The following NRG1 variants were observed in gnomAD, a reference collection of about 807,000 sequenced individuals.
NRG1 encodes pro-neuregulin-1, membrane-bound isoform.
In NRG1, 18 loss-of-function variants were observed where a neutral mutation model predicts 63.8. The ratio of observed to expected loss-of-function variants is 0.28; its 90% confidence interval spans 0.19 to 0.42. The LOEUF (loss-of-function observed/expected upper bound fraction) is 0.42. NRG1 is among the 10% of genes least tolerant of loss of function. The pLI is 1.00. For missense variants in NRG1, 762 were observed against 814.7 expected (o/e 0.94, Z 0.79); for synonymous variants, 302 against 301.3 (o/e 1.00, Z -0.02).
chr8:31,750,068 T>A (rs955934621), intron 1 of NRG1, among the ~76,000 whole-genome samples: 2 of 151,832 alleles, frequency 1.3e-5, no homozygotes, highest in Non-Finnish European at 2.9e-5. Context: ...TTCCTGAAGG[T>A]CAACCTACAG....
intron 1 of NRG1, chr8:32,139,254 C>T (rs925621502): frequency 2.0e-5 from 3 of 152,158 alleles, no homozygotes; most frequent in African/African-American, 7.2e-5. Flanking sequence ...GTGCAACTGT[C>T]TCTTTGAGGA....
chr8:32,705,228 T>A, intron 5 of NRG1, among the ~76,000 whole-genome samples: 1 of 148,858 alleles, frequency 6.7e-6, no homozygotes, highest in Non-Finnish European at 1.5e-5. Context: ...ACCTCCCGGG[T>A]TCACACCTTT....
chr8:32,328,403 T>G (rs757674509), intron 1 of NRG1, among the ~76,000 whole-genome samples: 14 of 152,008 alleles, frequency 9.2e-5, no homozygotes, highest in Non-Finnish European at 1.9e-4. Flanking sequence ...AACAAAATAC[T>G]TGCTTTTACA....
intron 1 of NRG1, among the ~76,000 whole-genome samples, chr8:31,737,673 G>A (rs975443677): frequency 6.6e-6 from 1 of 152,080 alleles, no homozygotes; most frequent in Non-Finnish European, 1.5e-5. Context: ...CATTCTTTTA[G>A]AATAATGTAA....
intron 1 of NRG1, among the ~76,000 whole-genome samples, chr8:31,702,966 G>T: frequency 6.6e-6 from 1 of 151,168 alleles, no homozygotes; most frequent in East Asian, 1.9e-4. Flanking sequence ...GAGAAATTTT[G>T]GTCTTGCAGA....
At chr8:32,614,628 C>A in intron 4 of NRG1, 64 bp downstream of exon 4, 1 of 1,494,680 alleles carries the variant, frequency 6.7e-7, no homozygotes, top group Non-Finnish European at 9.3e-7. Flanking sequence ...CTGGCTGCTC[C>A]TTCTACTAAT....
At chr8:32,360,981 C>T (rs535628171) in intron 1 of NRG1, among the ~76,000 whole-genome samples, 1 of 152,254 alleles carries the variant, frequency 6.6e-6, no homozygotes, top group South Asian at 2.1e-4. Flanking sequence ...TCAGAAGATC[C>T]AGATTTGATC....
At chr8:32,713,798 T>C (rs1406850781) in intron 5 of NRG1, among the ~76,000 whole-genome samples, 1 of 147,938 alleles carries the variant, frequency 6.8e-6, no homozygotes, top group East Asian at 1.9e-4. Context: ...AATTATAACA[T>C]AAATATATAT....
In NRG1 at chr8:32,681,323, GTTC is replaced by G. The variant is rs1188955827; in HGVS notation, c.503-46620_503-46618del. 6.6e-5 allele frequency among the ~76,000 whole-genome samples: 10 copies of G among 152,224 alleles called. No homozygotes were observed. The South Asian group carries it at 1.2e-3, about 19-fold the overall frequency. The stretch of plus-strand genomic sequence containing the variant: ...AGACAAAGCAAAAGGTTCTTTACGT[GTTC>G]TTCTTGTATCATCAGTGAGCCTTTT... On this transcript the variant is annotated intron_variant, in intron 5 of 11. Coordinates refer to ENST00000356819, the Ensembl canonical transcript of NRG1.
At chr8:32,592,188 A>C (rs780546513) in intron 1 of NRG1, among the ~76,000 whole-genome samples, 4 of 151,818 alleles carry the variant, frequency 2.6e-5, no homozygotes, top group African/African-American at 4.8e-5. Context: ...AGTTTAGTTG[A>C]AGACATCATG....
chr8:32,106,126 G>A (rs1831227793), intron 1 of NRG1, among the ~76,000 whole-genome samples: 1 of 152,200 alleles, frequency 6.6e-6, no homozygotes, highest in South Asian at 2.1e-4. Context: ...GACTGCTTTA[G>A]ACATATTTGG....
chr8:31,795,264 C>T (rs1407368322), intron 1 of NRG1, among the ~76,000 whole-genome samples: 1 of 152,046 alleles, frequency 6.6e-6, no homozygotes, highest in Non-Finnish European at 1.5e-5. Context: ...CAGGCGTGTC[C>T]CCTAATCGAG....
At chr8:31,762,054 TA>T (rs1355458941) in intron 1 of NRG1, among the ~76,000 whole-genome samples, 1 of 152,242 alleles carries the variant, frequency 6.6e-6, no homozygotes, top group East Asian at 1.9e-4. Flanking sequence ...TATTTTGAGT[TA>T]AAAATGTGTC....
intron 2 of NRG1, among the ~76,000 whole-genome samples, chr8:32,603,225 A>G (rs1373618135): frequency 1.3e-5 from 2 of 152,190 alleles, no homozygotes; most frequent in Non-Finnish European, 2.9e-5. Flanking sequence ...GAAAACATTA[A>G]CAGATATGCC....
intron 1 of NRG1, among the ~76,000 whole-genome samples, chr8:32,551,020 C>T (rs1834003795): frequency 1.3e-5 from 2 of 152,186 alleles, no homozygotes; most frequent in Non-Finnish European, 2.9e-5. Context: ...CAACTTGAAA[C>T]CAGCTTTATA....
At chr8:32,272,409 T>G (rs1851640072) in intron 1 of NRG1, among the ~76,000 whole-genome samples, 1 of 152,084 alleles carries the variant, frequency 6.6e-6, no homozygotes, top group South Asian at 2.1e-4. Context: ...ATCAACACAT[T>G]GGGAGTTAGG....
At chr8:32,292,130 CA>C (rs1407265425) in intron 1 of NRG1, among the ~76,000 whole-genome samples, 1 of 152,078 alleles carries the variant, frequency 6.6e-6, no homozygotes, top group Non-Finnish European at 1.5e-5. Flanking sequence ...CAACCATCTA[CA>C]AAAATGAAGA....
chr8:31,741,788 G>A (rs1815303751), intron 1 of NRG1, among the ~76,000 whole-genome samples: 1 of 151,956 alleles, frequency 6.6e-6, no homozygotes, highest in Non-Finnish European at 1.5e-5. Context: ...GGCATTAGCT[G>A]TAAAGTTTGA....
At chr8:32,065,880 A>C (rs1483993009) in intron 1 of NRG1, among the ~76,000 whole-genome samples, 2 of 152,116 alleles carry the variant, frequency 1.3e-5, no homozygotes, top group Non-Finnish European at 2.9e-5. Flanking sequence ...TCACCATTCT[A>C]ATTGGTGTGA....
Sources: gnomAD v4.1 joint callset for allele counts (sites outside exome capture counted in the v4.1 genomes callset) on GRCh38, gnomAD v4.1.1 for gene constraint, MANE v1.5 for transcripts, NCBI Gene and HGNC (gene_info 2026-07-23, HGNC 2026-07-21) for gene names.